RNF43: variants seen among roughly 807,000 people sequenced by gnomAD.
RNF43 encodes the protein E3 ubiquitin-protein ligase RNF43.
Under a neutral mutation model 78.4 loss-of-function variants are expected in RNF43, and 37 were observed. The ratio of observed to expected loss-of-function variants is 0.47; its 90% CI spans 0.36 to 0.62. The LOEUF (loss-of-function observed/expected upper bound fraction) is 0.62, where lower values mean the gene tolerates loss of function less well. Ranked by LOEUF, RNF43 falls within the 20% of genes least tolerant of loss-of-function variation. RNF43 has a pLI of 0.00. For synonymous variants in RNF43, 347 were observed against 395.0 expected (o/e 0.88, Z 1.44); for missense variants, 774 against 1,007.9 (o/e 0.77, Z 3.14).
intron 2 of RNF43, among the ~76,000 whole-genome samples, chr17:58,380,135 T>G (rs1180528147): frequency 1.3e-5 from 2 of 152,160 alleles, no homozygotes; most frequent in African/African-American, 4.8e-5. Context: ...CATCCAAAAA[T>G]CATACTAATT....
At chr17:58,398,226 T>C (rs1429409156) in intron 2 of RNF43, among the ~76,000 whole-genome samples, 1 of 152,220 alleles carries the variant, frequency 6.6e-6, no homozygotes, top group African/African-American at 2.4e-5. Context: ...CTTCAATGTA[T>C]TGGTGCACTT....
intron 2 of RNF43, among the ~76,000 whole-genome samples, chr17:58,389,279 G>A (rs536484187): frequency 6.6e-6 from 1 of 152,246 alleles, no homozygotes; most frequent in East Asian, 1.9e-4. Flanking sequence ...CAGGATGAAG[G>A]AAATGGAGGA....
Position 58,396,180 on chromosome 17 carries a change from G to A in RNF43, c.252+19146C>T, listed in dbSNP as rs760719691. On this transcript the variant is annotated intron_variant, in intron 2 of 9. Transcript: ENST00000407977. Reference sequence around the variant, plus strand: ...AAATCCCAACCTAAAAAAGACCAACGTGATATGGAGGATACAGAAATGATA... The same window carrying A: ...AAATCCCAACCTAAAAAAGACCAACATGATATGGAGGATACAGAAATGATA... 2.0e-5 allele frequency among the ~76,000 whole-genome samples: 3 copies of A among 152,168 alleles called. No individual in the cohort carries two copies. The South Asian group carries it at 6.2e-4, about 31-fold the overall frequency.
intron 2 of RNF43, among the ~76,000 whole-genome samples, chr17:58,393,420 C>A (rs1973602025): frequency 1.3e-5 from 2 of 151,992 alleles, no homozygotes; most frequent in South Asian, 2.1e-4. Flanking sequence ...AAAAAAAATT[C>A]TCTTATGATT....
At chr17:58,409,666 C>A (rs894865876) in intron 2 of RNF43, among the ~76,000 whole-genome samples, 4 of 152,108 alleles carry the variant, frequency 2.6e-5, no homozygotes, top group African/African-American at 9.7e-5. Context: ...AGCCACCACA[C>A]CTGGCCCGGG....
At chr17:58,388,148 G>A (rs904639408) in intron 2 of RNF43, among the ~76,000 whole-genome samples, 1 of 152,140 alleles carries the variant, frequency 6.6e-6, no homozygotes, top group African/African-American at 2.4e-5. Context: ...CCAGTCATCA[G>A]GCCATACTTT....
intron 2 of RNF43, among the ~76,000 whole-genome samples, chr17:58,383,845 T>G (rs1371798484): frequency 6.6e-6 from 1 of 152,180 alleles, no homozygotes; most frequent in Non-Finnish European, 1.5e-5. Flanking sequence ...CTCGAACTCC[T>G]GACCTCAAGT....
At chr17:58,405,766 A>AGAG (rs1567896400) in intron 2 of RNF43, among the ~76,000 whole-genome samples, 2 of 133,328 alleles carry the variant, frequency 1.5e-5, no homozygotes, top group African/African-American at 5.4e-5. Context: ...AAGAAAGAAA[A>AGAG]AGAGAAAATA....
chr17:58,363,136 A>C, intron 5 of RNF43, 139 bp downstream of exon 5: 2 of 1,064,948 alleles, frequency 1.9e-6, no homozygotes, highest in Non-Finnish European at 2.7e-6. Flanking sequence ...CCAGAGGCAC[A>C]CAGCTGATGG....
At chr17:58,391,653 A>G (rs1452265631) in intron 2 of RNF43, among the ~76,000 whole-genome samples, 1 of 152,204 alleles carries the variant, frequency 6.6e-6, no homozygotes, top group African/African-American at 2.4e-5. Flanking sequence ...GATTACAGGC[A>G]ATGTGTATCT....
chr17:58,356,257 AAATG>A (rs1213873270), intron 9 of RNF43, among the ~76,000 whole-genome samples: 4 of 152,194 alleles, frequency 2.6e-5, no homozygotes, highest in Non-Finnish European at 5.9e-5. Flanking sequence ...GGAAATGAAT[AAATG>A]AATGAATTGG....
chr17:58,357,643 TAGC>T lies in RNF43; in HGVS notation c.2130_2132del (p.Leu711del). On this transcript the variant is annotated inframe_deletion, in exon 9 of 10. Coordinates refer to ENST00000407977, the MANE Select transcript of RNF43 (RefSeq NM_017763.6). The surrounding 1 kb of genome is among the most constrained non-coding windows in gnomAD (Gnocchi z 4.5). ...AGTAACAGGGGCCTGGGGTTTCTGG[TAGC>T]AGCCTCTTGTCCAGGCCTGGAGGTC... is the stretch of plus-strand genomic sequence containing the variant. 2 of 1,613,632 alleles carry T rather than the reference TAGC, an allele frequency of 1.2e-6. No homozygotes were observed. Among genetic ancestry groups the T allele is most frequent in the Non-Finnish European group, 8.5e-7 (1 of 1,179,808 alleles).
At chr17:58,361,566 T>A (rs943926482) in intron 6 of RNF43, among the ~76,000 whole-genome samples, 1 of 152,218 alleles carries the variant, frequency 6.6e-6, no homozygotes, top group Non-Finnish European at 1.5e-5. Context: ...TAGTCTATTC[T>A]CATTACAACA....
At chr17:58,384,624 C>T (rs1293980359) in intron 2 of RNF43, among the ~76,000 whole-genome samples, 1 of 152,168 alleles carries the variant, frequency 6.6e-6, no homozygotes, top group Non-Finnish European at 1.5e-5. Context: ...AGAGACAATG[C>T]AATGCATATT....
chr17:58,353,061 T>C (rs1277162539), downstream of RNF43: 2 of 211,376 alleles, frequency 9.5e-6, no homozygotes, highest in East Asian at 1.4e-4. Flanking sequence ...GTCCTCGCAA[T>C]AGCCCGAGTG....
chr17:58,395,447 G>A (rs1973659066), intron 2 of RNF43, among the ~76,000 whole-genome samples: 2 of 152,112 alleles, frequency 1.3e-5, no homozygotes, highest in South Asian at 4.1e-4. Flanking sequence ...ACCCCTTTAT[G>A]AGGGACAGTT....
intron 3 of RNF43, among the ~76,000 whole-genome samples, chr17:58,367,593 G>T (rs1316525519): frequency 6.6e-6 from 1 of 152,164 alleles, no homozygotes; most frequent in Non-Finnish European, 1.5e-5. Flanking sequence ...CCTTCTAGCA[G>T]GCAAAAGGCC....
intron 2 of RNF43, among the ~76,000 whole-genome samples, chr17:58,383,854 G>C (rs1175401292): frequency 1.3e-5 from 2 of 152,174 alleles, no homozygotes; most frequent in African/African-American, 4.8e-5. Flanking sequence ...CTGACCTCAA[G>C]TGATCTACCC....
intron 2 of RNF43, among the ~76,000 whole-genome samples, chr17:58,374,389 CTCT>C (rs1237299209): frequency 5.3e-5 from 8 of 150,896 alleles, no homozygotes; most frequent in South Asian, 2.1e-4. Context: ...TCTCTTTTCA[CTCT>C]TCTTTTTTTT....
Sources: gnomAD v4.1 joint callset for allele counts (sites outside exome capture counted in the v4.1 genomes callset) on GRCh38, gnomAD v4.1.1 for gene constraint, Gnocchi (gnomAD v3.1) non-coding constraint, MANE v1.5 for transcripts, NCBI Gene and HGNC (gene_info 2026-07-23, HGNC 2026-07-21) for gene names.